DYNC2I1: variants seen among roughly 807,000 people sequenced by gnomAD.
DYNC2I1 encodes the protein dynein 2 intermediate chain 1.
A neutral mutation model predicts 133.4 loss-of-function variants in DYNC2I1; 89 were observed. The observed-to-expected ratio is 0.67, with a 90% CI of 0.56 to 0.80. The LOEUF is 0.80. DYNC2I1 is among the 30% of genes least tolerant of loss of function. DYNC2I1 has a pLI of 0.00. For synonymous variants in DYNC2I1, 504 were observed against 484.3 expected (o/e 1.04, Z -0.54); for missense variants, 1,291 against 1,314.5 (o/e 0.98, Z 0.28).
At chr7:158,866,792 C>G (rs777166612) in intron 1 of DYNC2I1, among the ~76,000 whole-genome samples, 2 of 151,354 alleles carry the variant, frequency 1.3e-5, no homozygotes, top group Non-Finnish European at 2.9e-5. Flanking sequence ...GGCTGAGCCA[C>G]GAGAATTGCT....
chr7:158,923,942 C>A (rs1204985766), intron 17 of DYNC2I1, among the ~76,000 whole-genome samples: 2 of 152,194 alleles, frequency 1.3e-5, no homozygotes, highest in Admixed American at 6.5e-5. Context: ...ACTTGAATTT[C>A]CTTTCTTAAT....
downstream of DYNC2I1, among the ~76,000 whole-genome samples, chr7:158,947,787 C>T (rs10259736): frequency 3.9e-5 from 6 of 152,142 alleles, no homozygotes; most frequent in African/African-American, 1.4e-4. Context: ...AGGCCAGGGG[C>T]GAGAGGAGGC....
At chr7:158,907,772 C>A (rs1174246970) in intron 11 of DYNC2I1, among the ~76,000 whole-genome samples, 1 of 151,962 alleles carries the variant, frequency 6.6e-6, no homozygotes, top group African/African-American at 2.4e-5. Flanking sequence ...CCACACCCAG[C>A]TAATTTTTAT....
chr7:158,902,145 C>T (rs1469512279), intron 9 of DYNC2I1, among the ~76,000 whole-genome samples: 5 of 152,114 alleles, frequency 3.3e-5, no homozygotes, highest in Non-Finnish European at 7.3e-5. Context: ...GTTGATAGGT[C>T]TTCTGTATAT....
At chr7:158,888,291 G>A (rs1021456771) in intron 7 of DYNC2I1, among the ~76,000 whole-genome samples, 3 of 152,002 alleles carry the variant, frequency 2.0e-5, no homozygotes, top group African/African-American at 4.8e-5. Context: ...CCAAAGTGCT[G>A]GGATTACAGG....
chr7:158,933,364 C>T (rs1427108326), intron 21 of DYNC2I1, among the ~76,000 whole-genome samples: 2 of 152,124 alleles, frequency 1.3e-5, no homozygotes, highest in Non-Finnish European at 1.5e-5. Context: ...GGTGTGAAGC[C>T]CAGGCTGTCT....
At chr7:158,876,101 G>A (rs775647574) in intron 3 of DYNC2I1, among the ~76,000 whole-genome samples, 3 of 152,194 alleles carry the variant, frequency 2.0e-5, no homozygotes, top group East Asian at 1.9e-4. Flanking sequence ...ACCATTGTGC[G>A]GGCTGTACAG....
intron 1 of DYNC2I1, among the ~76,000 whole-genome samples, chr7:158,867,680 G>A (rs1341665000): frequency 6.6e-6 from 1 of 152,132 alleles, no homozygotes. Flanking sequence ...CAGTCCTCAC[G>A]CTCTCTGAAG....
intron 11 of DYNC2I1, among the ~76,000 whole-genome samples, chr7:158,910,299 GT>G: frequency 6.6e-6 from 1 of 152,354 alleles, no homozygotes; most frequent in African/African-American, 2.4e-5. Flanking sequence ...TGTCAGGCCT[GT>G]GGGTGCAGGG....
intron 20 of DYNC2I1, among the ~76,000 whole-genome samples, chr7:158,928,006 T>G (rs537917804): frequency 6.6e-6 from 1 of 152,318 alleles, no homozygotes; most frequent in Admixed American, 6.5e-5. Flanking sequence ...ATTTTGGGGC[T>G]TCTTCCTCTC....
chr7:158,879,772 C>T lies in DYNC2I1; in HGVS notation c.662C>T (p.Pro221Leu). The T allele has an allele frequency of 6.2e-7, 1 of 1,611,354 alleles. No individual in the cohort carries two copies. Among genetic ancestry groups the T allele is most frequent in the Non-Finnish European group, 8.5e-7 (1 of 1,179,336 alleles). ...AGGAGACACAGGAAGCCCAGAGAGC[C>T]AGATCGAGACAACAAACACCGAGAA... The part of the protein sequence containing the change: ...GERRHRKPRE[P>L]DRDNKHREKS... Residue 221 changes from proline to leucine, a missense_variant, in exon 5 of 25, where the codon CCA becomes CTA. Coordinates refer to ENST00000407559, the MANE Select transcript of DYNC2I1 (RefSeq NM_018051.5).
At chr7:158,874,361 C>T (rs538283462) in intron 3 of DYNC2I1, among the ~76,000 whole-genome samples, 38 of 152,316 alleles carry the variant, frequency 2.5e-4, no homozygotes, top group African/African-American at 8.9e-4. Flanking sequence ...GCACGTGTCA[C>T]CACGCCCTGC....
At chr7:158,925,508 T>A (rs930080388) in intron 17 of DYNC2I1, among the ~76,000 whole-genome samples, 5 of 152,212 alleles carry the variant, frequency 3.3e-5, no homozygotes, top group Non-Finnish European at 7.3e-5. Flanking sequence ...TGCTTTCATT[T>A]ACATTTTTTC....
intron 23 of DYNC2I1, among the ~76,000 whole-genome samples, chr7:158,940,461 G>A (rs1257677723): frequency 6.6e-6 from 1 of 152,154 alleles, no homozygotes; most frequent in East Asian, 1.9e-4. Context: ...ATGGCCCAGA[G>A]GCTGGGGACC....
the DYNC2I1 span, among the ~76,000 whole-genome samples, chr7:158,848,121 T>A: frequency 1.3e-5 from 2 of 152,210 alleles, no homozygotes; most frequent in Non-Finnish European, 2.9e-5. Context: ...ATATATGTGA[T>A]CCAATTGCAC....
intron 5 of DYNC2I1, among the ~76,000 whole-genome samples, chr7:158,883,790 A>T (rs1167400069): frequency 6.8e-6 from 1 of 147,204 alleles, no homozygotes; most frequent in Non-Finnish European, 1.5e-5. Flanking sequence ...CAGCCTCCCG[A>T]GTAGCTGGGA....
the DYNC2I1 span, among the ~76,000 whole-genome samples, chr7:158,839,772 A>T: frequency 6.6e-6 from 1 of 151,866 alleles, no homozygotes; most frequent in Non-Finnish European, 1.5e-5. Flanking sequence ...GTGAGCCAAG[A>T]TAGTGATACT....
At chr7:158,908,903 G>C (rs1197324350) in intron 11 of DYNC2I1, among the ~76,000 whole-genome samples, 1 of 152,132 alleles carries the variant, frequency 6.6e-6, no homozygotes, top group Non-Finnish European at 1.5e-5. Context: ...GGGTGGTAAA[G>C]GACACAGAGA....
chr7:158,902,716 A>G (rs1846370621), intron 10 of DYNC2I1, 121 bp downstream of exon 10: 8 of 880,270 alleles, frequency 9.1e-6, no homozygotes, highest in Non-Finnish European at 1.4e-5. Context: ...AACATCTTCC[A>G]CATGCTGGTG....
Sources: gnomAD v4.1 joint callset for allele counts (sites outside exome capture counted in the v4.1 genomes callset) on GRCh38, gnomAD v4.1.1 for gene constraint, MANE v1.5 for transcripts, NCBI Gene and HGNC (gene_info 2026-07-23, HGNC 2026-07-21) for gene names.